DLC1: variants seen among roughly 807,000 people sequenced by gnomAD.
DLC1 encodes DLC1 Rho GTPase activating protein.
DLC1 carries 54 observed loss-of-function variants against 140.3 expected under a neutral mutation model. The ratio of observed to expected loss-of-function variants is 0.38; its 90% CI spans 0.31 to 0.48. The LOEUF (loss-of-function observed/expected upper bound fraction) is 0.48. DLC1 is among the 20% of genes least tolerant of loss of function. DLC1 has a pLI of 0.96. For synonymous variants in DLC1, 986 were observed against 728.1 expected (o/e 1.35, Z -5.70); for missense variants, 2,536 against 1,907.0 (o/e 1.33, Z -6.14).
intron 5 of DLC1, among the ~76,000 whole-genome samples, chr8:13,256,373 A>G (rs1830227069): frequency 6.6e-6 from 1 of 152,214 alleles, no homozygotes; most frequent in South Asian, 2.1e-4. Flanking sequence ...ATTCCTGGGT[A>G]TATACCCAAA....
At chr8:13,267,219 C>T (rs184562725) in intron 5 of DLC1, among the ~76,000 whole-genome samples, 3 of 152,238 alleles carry the variant, frequency 2.0e-5, no homozygotes, top group East Asian at 3.9e-4. Context: ...TGATGGCATA[C>T]TTTTAGACCT....
chr8:13,331,001 A>G (rs1427324712), intron 4 of DLC1, among the ~76,000 whole-genome samples: 2 of 152,312 alleles, frequency 1.3e-5, no homozygotes, highest in African/African-American at 2.4e-5. Context: ...AAATCCAGAA[A>G]GCTCACAATG....
intron 7 of DLC1, among the ~76,000 whole-genome samples, chr8:13,103,183 C>T (rs954355687): frequency 6.6e-6 from 1 of 151,910 alleles, no homozygotes; most frequent in Non-Finnish European, 1.5e-5. Flanking sequence ...TGGTGGTGGG[C>T]GCCTGTAGTC....
At chr8:13,185,069 G>A (rs1174706575) in intron 5 of DLC1, among the ~76,000 whole-genome samples, 30 of 143,556 alleles carry the variant, frequency 2.1e-4, no homozygotes, top group Admixed American at 2.1e-3. Flanking sequence ...TGTCTCTTTT[G>A]ATCTTTATTG....
chr8:13,388,636 G>C (rs191740840), intron 4 of DLC1, among the ~76,000 whole-genome samples: 42 of 151,946 alleles, frequency 2.8e-4, no homozygotes, highest in Non-Finnish European at 3.7e-4. Context: ...TAACACTTCA[G>C]AAAATAATAT....
At chr8:13,195,889 G>A (rs1827021201) in intron 5 of DLC1, among the ~76,000 whole-genome samples, 1 of 152,010 alleles carries the variant, frequency 6.6e-6, no homozygotes, top group Admixed American at 6.6e-5. Flanking sequence ...AATATAGACT[G>A]TCACCTTTTA....
intron 5 of DLC1, among the ~76,000 whole-genome samples, chr8:13,126,612 C>A (rs11781744): frequency 0.15 from 22,154 of 152,054 alleles, 1,752 homozygotes; most frequent in East Asian, 0.2. Context: ...AAATGAAGCA[C>A]GTGTTTTAAG....
At chr8:13,332,418 A>G (rs1316865563) in intron 4 of DLC1, among the ~76,000 whole-genome samples, 2 of 139,234 alleles carry the variant, frequency 1.4e-5, no homozygotes, top group African/African-American at 5.3e-5. Flanking sequence ...TTCACTATTG[A>G]CTGATTTTCT....
intron 2 of DLC1, among the ~76,000 whole-genome samples, chr8:13,495,062 C>G (rs186291654): frequency 3.9e-5 from 6 of 152,132 alleles, no homozygotes; most frequent in Non-Finnish European, 8.8e-5. Context: ...TAGGTGTCTT[C>G]TTAAAGTTCA....
intron 2 of DLC1, among the ~76,000 whole-genome samples, chr8:13,409,479 A>T (rs1279046058): frequency 6.6e-6 from 1 of 152,210 alleles, no homozygotes; most frequent in Non-Finnish European, 1.5e-5. Context: ...GATAAAAAAT[A>T]ATAAGTTTTT....
At chr8:13,125,954 A>G (rs1361281167) in intron 5 of DLC1, among the ~76,000 whole-genome samples, 1 of 152,086 alleles carries the variant, frequency 6.6e-6, no homozygotes, top group Non-Finnish European at 1.5e-5. Flanking sequence ...TGCAAGTGAC[A>G]CTTTAGCCAT....
In DLC1 at chr8:13,543,350, T is replaced by G. The variant is rs1462190714; in HGVS notation, c.-125-43154A>C. Among the ~76,000 whole-genome samples, 3 of 152,196 alleles carry G rather than the reference T, an allele frequency of 2.0e-5. No individual in the cohort carries two copies. The East Asian group carries it at 5.8e-4, about 29-fold the overall frequency. The stretch of plus-strand genomic sequence containing the variant: ...TCCTTAAGTTCAGAAGTAGATAGTT[T>G]AGACCTAATAGCTAGTGCAGTCATC... On this transcript the variant is annotated intron_variant, in intron 1 of 1. Coordinates refer to the DLC1 transcript ENST00000631382.
intron 6 of DLC1, among the ~76,000 whole-genome samples, chr8:13,114,998 T>A (rs1388472910): frequency 6.6e-6 from 1 of 152,226 alleles, no homozygotes; most frequent in African/African-American, 2.4e-5. Flanking sequence ...TGAATCATTA[T>A]GCATGTACCA....
At chr8:13,461,594 A>G (rs563530788) in intron 2 of DLC1, among the ~76,000 whole-genome samples, 5 of 152,262 alleles carry the variant, frequency 3.3e-5, no homozygotes, top group South Asian at 2.1e-4. Flanking sequence ...CTGAGATATA[A>G]AATTATTATT....
At chr8:13,254,461 A>G (rs942983529) in intron 5 of DLC1, among the ~76,000 whole-genome samples, 15 of 152,216 alleles carry the variant, frequency 9.9e-5, no homozygotes, top group African/African-American at 3.6e-4. Context: ...GATGGAAACA[A>G]ACTATAACCT....
chr8:13,181,025 G>C (rs1364389337), intron 5 of DLC1, among the ~76,000 whole-genome samples: 2 of 151,610 alleles, frequency 1.3e-5, no homozygotes, highest in African/African-American at 4.8e-5. Context: ...TCAGCAAAAA[G>C]TCCTATCTTA....
intron 4 of DLC1, among the ~76,000 whole-genome samples, chr8:13,329,065 T>A (rs1423584205): frequency 1.3e-5 from 2 of 152,134 alleles, no homozygotes; most frequent in Admixed American, 1.3e-4. Flanking sequence ...CAGACATTGA[T>A]TCATCCAATT....
At chr8:13,194,208 C>T (rs58863591) in intron 5 of DLC1, among the ~76,000 whole-genome samples, 31,602 of 152,142 alleles carry the variant, frequency 0.21, 3,627 homozygotes, top group African/African-American at 0.29. Flanking sequence ...GGTCCTCAAG[C>T]GGGGACATTC....
chr8:13,223,316 A>G (rs537663134), intron 5 of DLC1, among the ~76,000 whole-genome samples: 28 of 152,310 alleles, frequency 1.8e-4, no homozygotes, highest in Admixed American at 1.8e-3. Flanking sequence ...TTGGTGGCTA[A>G]TATCTCGTGC....
Sources: allele counts gnomAD v4.1 joint callset (sites outside exome capture counted in the v4.1 genomes callset), GRCh38; gene constraint gnomAD v4.1.1; transcripts MANE v1.5; gene names NCBI Gene and HGNC (gene_info 2026-07-23, HGNC 2026-07-21).